Variants in GDPD1 observed in about 807,000 individuals in gnomAD.
GDPD1 encodes the protein lysophospholipase D GDPD1.
In GDPD1, 28 loss-of-function variants were observed where a neutral mutation model predicts 45.1. That is an observed-to-expected ratio of 0.62 (90% CI 0.46 to 0.85). GDPD1 has a LOEUF of 0.85. Among genes scored for constraint, GDPD1 ranks in the 40% least tolerant of loss-of-function variants. The probability of loss-of-function intolerance (pLI) is 0.00; values close to 1 mark genes in which losing one functional copy is unlikely to be tolerated. For missense variants in GDPD1, 256 were observed against 364.8 expected (o/e 0.70, Z 2.43); for synonymous variants, 139 against 131.4 (o/e 1.06, Z -0.40).
chr17:59,237,658 A>C (rs2047143101), intron 2 of GDPD1, among the ~76,000 whole-genome samples: 1 of 152,192 alleles, frequency 6.6e-6, no homozygotes, highest in Non-Finnish European at 1.5e-5. Flanking sequence ...GAAGATGAGG[A>C]GATATTAATG....
chr17:59,244,216 C>T (rs959048767), intron 2 of GDPD1, among the ~76,000 whole-genome samples: 1 of 152,112 alleles, frequency 6.6e-6, no homozygotes, highest in African/African-American at 2.4e-5. Context: ...CGTCCCTTCT[C>T]CCTTGATTCT....
chr17:59,247,547 G>T (rs1053862466), intron 3 of GDPD1, among the ~76,000 whole-genome samples: 2 of 151,990 alleles, frequency 1.3e-5, no homozygotes, highest in African/African-American at 4.8e-5. Context: ...TCTCCTGTGT[G>T]GATATATAGT....
At chr17:59,255,467 C>A (rs1179584729) in intron 4 of GDPD1, among the ~76,000 whole-genome samples, 1 of 150,810 alleles carries the variant, frequency 6.6e-6, no homozygotes, top group Non-Finnish European at 1.5e-5. Flanking sequence ...ATAGGCCGGG[C>A]ACAGTGGCTC....
At position 59,257,115 on chromosome 17, in the gene GDPD1, T is replaced by TTC. The variant is rs529796037; in HGVS notation, c.368-4_368-3dup. ...AAAAAATACATTTAAAAATCTTGCTTTCTCAGCATGCCAGTGTGAAGGAAA... is the reference window on the plus strand; with the variant it reads ...AAAAAATACATTTAAAAATCTTGCTTTCTCTCAGCATGCCAGTGTGAAGGAAA... On this transcript the variant is annotated splice_polypyrimidine_tract_variant and splice_region_variant and intron_variant, in intron 4 of 9. Coordinates refer to ENST00000284116, the MANE Select transcript of GDPD1 (RefSeq NM_182569.4). 2.3e-4 allele frequency: 346 copies of TTC among 1,474,870 alleles called. 3 individuals are homozygous for TTC. In the East Asian group the frequency reaches 7.9e-3, roughly 34 times the overall value. The allele number at this position is 1,474,870 out of a possible 1,614,324, so 91.4% of individuals were successfully genotyped here. A position where few individuals can be genotyped will look rare whatever the true frequency, so the allele number is the denominator to read the frequency against.
At chr17:59,225,865 G>A (rs977973162) in intron 1 of GDPD1, among the ~76,000 whole-genome samples, 6 of 151,980 alleles carry the variant, frequency 3.9e-5, no homozygotes, top group Admixed American at 3.3e-4. Context: ...GAGACTACAG[G>A]TACCTACCAC....
rs149536097 is a variant in GDPD1, at chr17:59,222,505, C to CTTTTTTTTTTTT, written c.142+1769_142+1780dup. On this transcript the variant is annotated intron_variant, in intron 1 of 9. Coordinates refer to ENST00000284116, the MANE Select transcript of GDPD1 (RefSeq NM_182569.4). The stretch of plus-strand genomic sequence containing the variant: ...ACAGGCGTGAGCCACAGTGCCCAGC[C>CTTTTTTTTTTTT]TTTTTTTTTTTTTTTTTTTTTTTTT... Among the ~76,000 whole-genome samples, 69 of 41,738 alleles carry CTTTTTTTTTTTT rather than the reference C, an allele frequency of 1.7e-3. 18 individuals are homozygous for CTTTTTTTTTTTT. The highest frequency in any genetic ancestry group is 3.5e-3 in the African/African-American group (39 of 11,122). The allele number at this position is 41,738 out of a possible 152,430, so 27.4% of individuals were successfully genotyped here.
At chr17:59,222,505 C>CTGTTTTTTTTTTTTTTTT (rs2047013464) in intron 1 of GDPD1, among the ~76,000 whole-genome samples, 1 of 41,754 alleles carries the variant, frequency 2.4e-5, no homozygotes, top group Non-Finnish European at 4.6e-5. Flanking sequence ...AGTGCCCAGC[C>CTGTTTTTTTTTTTTTTTT]TTTTTTTTTT....
chr17:59,264,129 G>C (rs1452731496), intron 6 of GDPD1, among the ~76,000 whole-genome samples: 1 of 152,084 alleles, frequency 6.6e-6, no homozygotes, highest in East Asian at 1.9e-4. Flanking sequence ...CTCCTGAGTA[G>C]CTGGGATTAC....
intron 2 of GDPD1, among the ~76,000 whole-genome samples, chr17:59,242,438 A>G (rs2047182061): frequency 6.6e-6 from 1 of 152,212 alleles, no homozygotes. Flanking sequence ...CAAACAACTC[A>G]AATAATCTAT....
chr17:59,231,674 C>A (rs1452734420), intron 1 of GDPD1, among the ~76,000 whole-genome samples: 1 of 151,948 alleles, frequency 6.6e-6, no homozygotes, highest in African/African-American at 2.4e-5. Flanking sequence ...GTGGGTGTGA[C>A]CTTTTGTTCT....
chr17:59,225,234 G>T (rs553884197), intron 1 of GDPD1, among the ~76,000 whole-genome samples: 35 of 151,552 alleles, frequency 2.3e-4, no homozygotes, highest in African/African-American at 8.2e-4. Context: ...TGGGGTTACA[G>T]GTGGTGCCAC....
intron 2 of GDPD1, among the ~76,000 whole-genome samples, chr17:59,236,463 C>T (rs1476283373): frequency 6.6e-6 from 1 of 151,798 alleles, no homozygotes; most frequent in Non-Finnish European, 1.5e-5. Flanking sequence ...GAAGGGAACA[C>T]CTCTTTCACA....
intron 6 of GDPD1, among the ~76,000 whole-genome samples, chr17:59,264,189 C>G (rs9916395): frequency 0.44 from 66,936 of 151,304 alleles, 16,536 homozygotes; most frequent in African/African-American, 0.68. Context: ...TAGTAGAGAC[C>G]GGGTTTCTCC....
chr17:59,221,946 A>T (rs2047008518), intron 1 of GDPD1, among the ~76,000 whole-genome samples: 1 of 152,230 alleles, frequency 6.6e-6, no homozygotes, highest in South Asian at 2.1e-4. Context: ...TTAGTTAAGC[A>T]TAGTTCTAAT....
intron 6 of GDPD1, among the ~76,000 whole-genome samples, chr17:59,261,807 A>C (rs575194171): frequency 6.6e-4 from 99 of 150,752 alleles, no homozygotes; most frequent in Non-Finnish European, 1.5e-4. Flanking sequence ...CTAATTTTTA[A>C]ATTTTTTGTA....
chr17:59,265,843 G>A (rs1015312615), intron 6 of GDPD1, among the ~76,000 whole-genome samples: 4 of 148,170 alleles, frequency 2.7e-5, no homozygotes, highest in African/African-American at 1.0e-4. Context: ...GGTCGAGGAT[G>A]CAGTGAGCTT....
chr17:59,265,837 G>A (rs1469626084), intron 6 of GDPD1, among the ~76,000 whole-genome samples: 2 of 148,472 alleles, frequency 1.3e-5, no homozygotes, highest in East Asian at 4.0e-4. Flanking sequence ...AGCCAGGGTC[G>A]AGGATGCAGT....
At chr17:59,258,480 T>C (rs2047326803) in intron 6 of GDPD1, among the ~76,000 whole-genome samples, 1 of 151,878 alleles carries the variant, frequency 6.6e-6, no homozygotes, top group African/African-American at 2.4e-5. Flanking sequence ...GAAGCAGAGG[T>C]TGCAGTGAGC....
chr17:59,273,539 C>A, intron 9 of GDPD1, 112 bp from the exon 10 acceptor site: 1 of 506,126 alleles, frequency 2.0e-6, no homozygotes, highest in Non-Finnish European at 3.3e-6. Context: ...TAAATGATAG[C>A]TTTAAAAGGT....
Sources: gnomAD v4.1 joint callset for allele counts (sites outside exome capture counted in the v4.1 genomes callset) on GRCh38, gnomAD v4.1.1 for gene constraint, MANE v1.5 for transcripts, NCBI Gene and HGNC (gene_info 2026-07-23, HGNC 2026-07-21) for gene names.